Variants in PAK5 observed in about 807,000 individuals in gnomAD.
The protein encoded by PAK5 is p21 (RAC1) activated kinase 5, also known as serine/threonine-protein kinase PAK 5.
In PAK5, 16 loss-of-function variants were observed where a neutral mutation model predicts 65.9. The ratio of observed to expected loss-of-function variants is 0.24; its 90% confidence interval spans 0.16 to 0.37. The LOEUF is 0.37. PAK5 is among the 10% of genes least tolerant of loss of function. PAK5 has a pLI of 1.00. For missense variants in PAK5, 785 were observed against 903.9 expected (o/e 0.87, Z 1.69); for synonymous variants, 371 against 354.9 (o/e 1.05, Z -0.51).
At chr20:9,557,767 AG>A (rs2045530642) in intron 6 of PAK5, 33 bp from the exon 7 acceptor site, 3 of 1,588,834 alleles carry the variant, frequency 1.9e-6, no homozygotes, top group Non-Finnish European at 2.6e-6. Context: ...GGAACAAGAC[AG>A]GTTTAAGAAC....
At chr20:9,735,513 G>A (rs375673444) in intron 1 of PAK5, among the ~76,000 whole-genome samples, 14 of 152,250 alleles carry the variant, frequency 9.2e-5, no homozygotes, top group East Asian at 1.9e-4. Flanking sequence ...TGGAAAGGCC[G>A]AAGATCCGTG....
Position 9,787,619 on chromosome 20 carries a change from A to ATGTGTG in PAK5, c.-162+51137_-162+51142dup, listed in dbSNP as rs3061911. Among the ~76,000 whole-genome samples the ATGTGTG allele has an allele frequency of 2.8e-3, 417 of 146,628 alleles. 1 individual carries two copies. Among genetic ancestry groups the ATGTGTG allele is most frequent in the African/African-American group, 9.9e-3 (392 of 39,544 alleles). On this transcript the variant is annotated intron_variant, in intron 1 of 9. Transcript: ENST00000353224. ...CTTACTCTGCATGGCTATGAAAAGG[A>ATGTGTG]TGTGTGTGTGTGTGTGTGTGTGTGT...
At chr20:9,669,928 C>G (rs964380514) in intron 2 of PAK5, among the ~76,000 whole-genome samples, 4 of 152,018 alleles carry the variant, frequency 2.6e-5, no homozygotes, top group East Asian at 3.9e-4. Context: ...CTGCCTCCCC[C>G]CCACCCCACA....
chr20:9,690,750 CT>C (rs112955560), intron 2 of PAK5, among the ~76,000 whole-genome samples: 7,642 of 103,902 alleles, frequency 0.074, 167 homozygotes, highest in East Asian at 0.14. Flanking sequence ...TTCTTTCTTT[CT>C]TTTTTTTTTT....
chr20:9,539,426 C>A lies in PAK5; in HGVS notation c.*36G>T. On this transcript the variant is annotated 3_prime_UTR_variant, in exon 10 of 10. Transcript: ENST00000353224. ...TTGTTCTCCTGAATTATTCTCATGT[C>A]CTCATCTAGCTTTGCCACCTACACG... 1 of 1,599,374 alleles carries A rather than the reference C, an allele frequency of 6.3e-7. No homozygotes were observed. The highest frequency in any genetic ancestry group is 8.6e-7 in the Non-Finnish European group (1 of 1,167,422).
At chr20:9,821,112 T>TATCG (rs1273892792) in intron 1 of PAK5, among the ~76,000 whole-genome samples, 2 of 152,194 alleles carry the variant, frequency 1.3e-5, no homozygotes, top group Non-Finnish European at 2.9e-5. Flanking sequence ...CCAGGTGCGA[T>TATCG]GGCTTACACC....
At chr20:9,676,073 G>T (rs542358761) in intron 2 of PAK5, among the ~76,000 whole-genome samples, 1 of 152,298 alleles carries the variant, frequency 6.6e-6, no homozygotes, top group South Asian at 2.1e-4. Context: ...TCACAATCAT[G>T]TTGGAAGACA....
At chr20:9,567,968 T>C (rs1183108076) in intron 4 of PAK5, among the ~76,000 whole-genome samples, 1 of 151,950 alleles carries the variant, frequency 6.6e-6, no homozygotes, top group East Asian at 1.9e-4. Flanking sequence ...GGAGGGGTGG[T>C]TTGGGCAGTG....
At chr20:9,743,108 C>T (rs2423458) in intron 1 of PAK5, among the ~76,000 whole-genome samples, 33,238 of 152,096 alleles carry the variant, frequency 0.22, 3,967 homozygotes, top group East Asian at 0.31. Flanking sequence ...TGGCTTATGC[C>T]TGTTATCCCA....
intron 8 of PAK5, among the ~76,000 whole-genome samples, chr20:9,543,010 G>A (rs1269489979): frequency 6.6e-6 from 1 of 152,170 alleles, no homozygotes; most frequent in African/African-American, 2.4e-5. Flanking sequence ...GTAGTTAACT[G>A]TCTATCAGGG....
At chr20:9,679,486 T>C (rs879830461) in intron 2 of PAK5, among the ~76,000 whole-genome samples, 5 of 152,202 alleles carry the variant, frequency 3.3e-5, no homozygotes, top group South Asian at 4.1e-4. Flanking sequence ...GTCTCTTCCA[T>C]TATATCTTAT....
chr20:9,559,461 G>T (rs748667006), intron 6 of PAK5, among the ~76,000 whole-genome samples: 1 of 152,142 alleles, frequency 6.6e-6, no homozygotes, highest in East Asian at 1.9e-4. Context: ...AATACCAAAG[G>T]TATAAAGTTG....
Position 9,565,288 on chromosome 20 carries a change from C to T in PAK5, c.1482+605G>A, listed in dbSNP as rs187766724. 1.8e-3 allele frequency among the ~76,000 whole-genome samples: 276 copies of T among 152,164 alleles called. 1 individual carries two copies. The highest frequency in any genetic ancestry group is 6.4e-3 in the African/African-American group (267 of 41,522). ...CACTGAAATATTAATGTAGGCTATTCCTTGACTGGGATATCTGTGGGACAT... is the reference window on the plus strand; with the variant it reads ...CACTGAAATATTAATGTAGGCTATTTCTTGACTGGGATATCTGTGGGACAT... On this transcript the variant is annotated intron_variant, in intron 5 of 9. Transcript: ENST00000353224.
In PAK5 at chr20:9,575,425, G is replaced by A. The variant is rs139611903; in HGVS notation, c.990+4720C>T. Among the ~76,000 whole-genome samples the A allele has an allele frequency of 2.8e-4, 43 of 152,242 alleles. No homozygotes were observed. The East Asian group carries it at 4.1e-3, about 14-fold the overall frequency. On this transcript the variant is annotated intron_variant, in intron 4 of 9. Transcript: ENST00000353224. ...AGAGAAGATCATACAGCTACTAAGC[G>A]CTTGAATCCAGGGAATCTGATTATA...
At chr20:9,830,133 T>TG (rs1978592568) in intron 1 of PAK5, among the ~76,000 whole-genome samples, 3 of 152,200 alleles carry the variant, frequency 2.0e-5, no homozygotes. Context: ...GCTGAGAAGT[T>TG]GGAGTGCAGA....
At chr20:9,793,459 A>G (rs2049071503) in intron 1 of PAK5, among the ~76,000 whole-genome samples, 1 of 152,144 alleles carries the variant, frequency 6.6e-6, no homozygotes, top group Non-Finnish European at 1.5e-5. Flanking sequence ...ATTGTGAAAC[A>G]AGTTCCAGAG....
At position 9,636,613 on chromosome 20, in the gene PAK5, T is replaced by C. The variant is rs368300923; in HGVS notation, c.204+7512A>G. On this transcript the variant is annotated intron_variant, in intron 3 of 9. Transcript: ENST00000353224. ...AAAAAGAAGATTGTTAGGAAGACTTTGAAGGCTAAATTAGAAAAGGGATGG... is the reference window on the plus strand; with the variant it reads ...AAAAAGAAGATTGTTAGGAAGACTTCGAAGGCTAAATTAGAAAAGGGATGG... 6.6e-5 allele frequency among the ~76,000 whole-genome samples: 10 copies of C among 152,294 alleles called. No individual in the cohort carries two copies. The East Asian group carries it at 1.9e-3, about 29-fold the overall frequency.
At chr20:9,598,729 A>G (rs4816150) in intron 3 of PAK5, among the ~76,000 whole-genome samples, 28,867 of 152,110 alleles carry the variant, frequency 0.19, 3,221 homozygotes, top group East Asian at 0.48. Flanking sequence ...GCTTTATTTC[A>G]TATGCTTGTT....
intron 3 of PAK5, among the ~76,000 whole-genome samples, chr20:9,590,619 CAAA>C (rs71184146): frequency 4.6e-5 from 6 of 130,248 alleles, no homozygotes; most frequent in Non-Finnish European, 5.2e-5. Flanking sequence ...TGGGCTGTGC[CAAA>C]AAAAAAAAAA....
Sources: gnomAD v4.1 joint callset for allele counts (sites outside exome capture counted in the v4.1 genomes callset) on GRCh38, gnomAD v4.1.1 for gene constraint, MANE v1.5 for transcripts, NCBI Gene and HGNC (gene_info 2026-07-23, HGNC 2026-07-21) for gene names.